Variants in ELOF1 observed in about 807,000 individuals in gnomAD.
ELOF1 encodes elongation factor 1.
ELOF1 carries 4 observed loss-of-function variants against 7.1 expected under a neutral mutation model. The ratio of observed to expected loss-of-function variants is 0.56; its 90% confidence interval spans 0.28 to 1.29. The LOEUF (loss-of-function observed/expected upper bound fraction) is 1.29. Among genes scored for constraint, ELOF1 ranks in the 50% most tolerant of loss-of-function variants. The pLI is 0.10. For missense variants in ELOF1, 59 were observed against 86.3 expected (o/e 0.68, Z 1.25); for synonymous variants, 31 against 31.9 (o/e 0.97, Z 0.09).
chr19:11,553,488 C>T (rs1293099529), intron 3 of ELOF1: 10 of 597,370 alleles, frequency 1.7e-5, no homozygotes, highest in Middle Eastern at 8.7e-4. Flanking sequence ...GACACCACCG[C>T]GTACCTGTGA....
chr19:11,554,962 AAAAG>A (rs1972807464), intron 1 of ELOF1: 1 of 153,038 alleles, frequency 6.5e-6, no homozygotes, highest in Admixed American at 6.6e-5. Flanking sequence ...TAAAAAAAAA[AAAAG>A]AAAAAAAAAA....
chr19:11,553,596 C>CACACACA (rs2145054133), intron 3 of ELOF1: 1 of 500,650 alleles, frequency 2.0e-6, no homozygotes, highest in Admixed American at 3.6e-5. Context: ...CACACACACA[C>CACACACA]ACACACACAC....
chr19:11,558,387 G>T (rs760352931), intron 1 of ELOF1, among the ~76,000 whole-genome samples: 1 of 151,872 alleles, frequency 6.6e-6, no homozygotes, highest in Non-Finnish European at 1.5e-5. Flanking sequence ...AAGTGCTGGC[G>T]TTACAAGCAT....
intron 3 of ELOF1, chr19:11,553,519 CA>C: frequency 1.6e-6 from 1 of 624,048 alleles, no homozygotes; most frequent in Non-Finnish European, 2.8e-6. Context: ...ACGGCCACCC[CA>C]GTGACACGTG....
chr19:11,554,161 A>AGGGGCAGGAT, intron 2 of ELOF1, 71 bp downstream of exon 2: 1 of 1,614,074 alleles, frequency 6.2e-7, no homozygotes, highest in Non-Finnish European at 8.5e-7. Flanking sequence ...AAGGGAGGCA[A>AGGGGCAGGAT]GGGGCAGGAT....
chr19:11,556,674 C>T (rs961985722), intron 1 of ELOF1, among the ~76,000 whole-genome samples: 2 of 151,558 alleles, frequency 1.3e-5, no homozygotes, highest in Non-Finnish European at 2.9e-5. Flanking sequence ...GCTCCTAGGA[C>T]CAACTCATTC....
Position 11,554,318 on chromosome 19 carries a change from C to T in ELOF1, c.30G>A (p.Pro10=), listed in dbSNP as rs769360384. ...TGCCTGTCATCTTCTTCTTGGGAGG[C>T]GGCTTTCGTTTTGACTTTCTGCGCC... Residue 10 remains proline, a synonymous_variant, in exon 2 of 4, where the codon CCG becomes CCA. Transcript: ENST00000586683. 22 of 1,613,904 alleles carry T rather than the reference C, an allele frequency of 1.4e-5. No homozygotes were observed. In the South Asian group the frequency reaches 1.4e-4, roughly 10 times the overall value.
intron 3 of ELOF1, chr19:11,553,132 T>A (rs1177170446): frequency 5.0e-6 from 2 of 401,788 alleles, no homozygotes; most frequent in Non-Finnish European, 8.8e-6. Context: ...CAACTGAACA[T>A]GAAACGGGCT....
chr19:11,556,901 T>G (rs1972842089), intron 1 of ELOF1, among the ~76,000 whole-genome samples: 1 of 152,210 alleles, frequency 6.6e-6, no homozygotes, highest in African/African-American at 2.4e-5. Context: ...TTGTTCATTC[T>G]GCCCTGGCTC....
chr19:11,553,516 C>T, intron 3 of ELOF1: 1 of 624,020 alleles, frequency 1.6e-6, no homozygotes, highest in South Asian at 1.9e-5. Flanking sequence ...CTCACGGCCA[C>T]CCCAGTGACA....
At chr19:11,554,596 C>G in intron 1 of ELOF1, 1 of 566,648 alleles carries the variant, frequency 1.8e-6, no homozygotes, top group African/African-American at 1.9e-5. Context: ...TACTGCGTGA[C>G]CTGGGCAGGT....
At chr19:11,553,800 T>C (rs1972779364) in intron 3 of ELOF1, 1 of 1,614,098 alleles carries the variant, frequency 6.2e-7, no homozygotes, top group Non-Finnish European at 8.5e-7. Context: ...CATCCACGGG[T>C]TCTGACAGAT....
intron 1 of ELOF1, chr19:11,554,972 A>T (rs1281083002): frequency 2.6e-5 from 4 of 151,486 alleles, no homozygotes; most frequent in African/African-American, 9.8e-5. Context: ...AAAAGAAAAA[A>T]AAAAGGCCAG....
At chr19:11,558,553 G>T (rs1042069328) in intron 1 of ELOF1, among the ~76,000 whole-genome samples, 9 of 151,904 alleles carry the variant, frequency 5.9e-5, no homozygotes, top group Non-Finnish European at 1.0e-4. Context: ...ACCAGCCTGG[G>T]AAACAGAGTG....
At chr19:11,555,256 CAAAAAAAAAA>C (rs5827127) in intron 1 of ELOF1, 2 of 87,670 alleles carry the variant, frequency 2.3e-5, no homozygotes, top group African/African-American at 4.4e-5. Context: ...GACTCCGTCT[CAAAAAAAAAA>C]AAAAAAAAAA....
intron 1 of ELOF1, 25 bp from the exon 2 acceptor site, chr19:11,554,390 G>T (rs1456122919): frequency 6.2e-7 from 1 of 1,604,822 alleles, no homozygotes; most frequent in African/African-American, 1.3e-5. Context: ...AGATGTCAGT[G>T]GTTTGAGGAA....
At chr19:11,558,749 ACAAAATCTACGG>A (rs1305289720) in intron 1 of ELOF1, among the ~76,000 whole-genome samples, 7 of 151,682 alleles carry the variant, frequency 4.6e-5, no homozygotes, top group African/African-American at 1.7e-4. Context: ...AAAAGTCCAA[ACAAAATCTACGG>A]ATGAGCCCCA....
rs958654780 is a variant in ELOF1 at position 11,553,828 on chromosome 19, A to C, written c.187+183T>G. The C allele has an allele frequency of 3.7e-6, 6 of 1,614,186 alleles. No individual in the cohort carries two copies. The highest frequency in any genetic ancestry group is 1.7e-6 in the Non-Finnish European group (2 of 1,180,036). ...TGACAGATCTGGGCCACTTAGGTCA[A>C]GGGCGATCATTGGCATTGGAACCCT... On this transcript the variant is annotated intron_variant, in intron 3 of 3. Coordinates refer to ENST00000586683, the Ensembl canonical transcript of ELOF1.
Position 11,554,473 on chromosome 19 carries a change from C to T in ELOF1, c.-18-108G>A, listed in dbSNP as rs143557060. Reference sequence around the variant, plus strand: ...GGGTCTGGGACTTGCACCGTGGTCCCGGGGCCTCTGCCCTTGAGGGACGAG... The same window carrying T: ...GGGTCTGGGACTTGCACCGTGGTCCTGGGGCCTCTGCCCTTGAGGGACGAG... On this transcript the variant is annotated intron_variant, in intron 1 of 3. Transcript: ENST00000586683. The T allele has an allele frequency of 4.2e-4, 618 of 1,464,628 alleles. 4 individuals are homozygous for T. The East Asian group carries it at 0.014, about 33-fold the overall frequency. 90.7% of individuals were successfully genotyped at this position (1,464,628 alleles called of 1,614,324 possible). A position where few individuals can be genotyped will look rare whatever the true frequency, so the allele number is the denominator to read the frequency against.
Sources: gnomAD v4.1 joint callset for allele counts (sites outside exome capture counted in the v4.1 genomes callset) on GRCh38, gnomAD v4.1.1 for gene constraint, MANE v1.5 for transcripts, NCBI Gene and HGNC (gene_info 2026-07-23, HGNC 2026-07-21) for gene names.